The following SLC17A3 variants were observed in gnomAD, a reference collection of about 807,000 sequenced individuals.
SLC17A3 encodes the protein sodium-dependent phosphate transport protein 4.
A neutral mutation model predicts 60.3 loss-of-function variants in SLC17A3; 61 were observed. The observed-to-expected ratio is 1.01, with a 90% CI of 0.82 to 1.25. The LOEUF (loss-of-function observed/expected upper bound fraction) is 1.25. Ranked by LOEUF, SLC17A3 falls within the 50% of genes most tolerant of loss-of-function variation. SLC17A3 has a pLI of 0.00. For synonymous variants in SLC17A3, 192 were observed against 208.9 expected (o/e 0.92, Z 0.70); for missense variants, 624 against 594.9 (o/e 1.05, Z -0.51).
At chr6:25,847,716 A>G (rs1765201151) in intron 11 of SLC17A3, among the ~76,000 whole-genome samples, 1 of 151,562 alleles carries the variant, frequency 6.6e-6, no homozygotes, top group Admixed American at 6.6e-5. Flanking sequence ...TTCTTTTAAA[A>G]ATTTTTTATT....
chr6:25,863,317 A>G (rs1765482991), intron 2 of SLC17A3, among the ~76,000 whole-genome samples: 1 of 152,150 alleles, frequency 6.6e-6, no homozygotes, highest in African/African-American at 2.4e-5. Flanking sequence ...CTTCTTAAAA[A>G]GTCTTGCAAC....
chr6:25,849,480 A>G lies in SLC17A3; in HGVS notation c.1272-16T>C. On this transcript the variant is annotated splice_polypyrimidine_tract_variant and intron_variant, in intron 10 of 12. Coordinates refer to ENST00000397060, the MANE Select transcript of SLC17A3 (RefSeq NM_001098486.2). ...ACTGGAATACCTGTGGGTGACAGGA[A>G]TGTTCCGGTCTAGATCCAGAGATGT... 1 of 1,529,800 alleles carries G rather than the reference A, an allele frequency of 6.5e-7. No homozygotes were observed. The highest frequency in any genetic ancestry group is 9.1e-7 in the Non-Finnish European group (1 of 1,103,514). The allele number at this position is 1,529,800 out of a possible 1,614,324, so 94.8% of individuals were successfully genotyped here.
chr6:25,850,022 A>G (rs768903707), intron 9 of SLC17A3, 26 bp downstream of exon 9: 8 of 1,613,894 alleles, frequency 5.0e-6, no homozygotes, highest in Non-Finnish European at 6.8e-6. Context: ...TACGCAAATT[A>G]TCTGACCCTC....
Position 25,861,665 on chromosome 6 carries a change from G to T in SLC17A3, c.584C>A (p.Pro195His), listed in dbSNP as rs758400774. The T allele has an allele frequency of 1.2e-6, 2 of 1,613,894 alleles. No homozygotes were observed. Among genetic ancestry groups the T allele is most frequent in the East Asian group, 4.5e-5 (2 of 44,888 alleles). The change falls in exon 5 of 13, where the codon CCT (proline) becomes CAT (histidine). Residue 195 changes from proline to histidine, a missense_variant. Pro to His is a moderately conservative substitution (Grantham distance 77). Transcript: ENST00000397060. The stretch of plus-strand genomic sequence containing the variant: ...GCAGAGTCTGCTTCGTTCTTGTGGA[G>T]GGCCCCACTTTTCCCAAATTGCAAA... ...GQFAIWEKWGPPQERSRLCSI... is the reference protein window; with the variant it reads ...GQFAIWEKWGHPQERSRLCSI...
At chr6:25,872,974 G>A (rs1765669939) in intron 1 of SLC17A3, among the ~76,000 whole-genome samples, 1 of 152,008 alleles carries the variant, frequency 6.6e-6, no homozygotes, top group South Asian at 2.1e-4. Flanking sequence ...CTGCCAGCAG[G>A]TGTGGTCTAC....
At chr6:25,870,680 A>T (rs980233941) in intron 1 of SLC17A3, among the ~76,000 whole-genome samples, 2 of 152,014 alleles carry the variant, frequency 1.3e-5, no homozygotes, top group African/African-American at 4.8e-5. Context: ...GGCAAGGAAG[A>T]AGTGCTTAGT....
At chr6:25,858,684 C>G (rs1020690773) in intron 5 of SLC17A3, among the ~76,000 whole-genome samples, 2 of 152,154 alleles carry the variant, frequency 1.3e-5, no homozygotes, top group Non-Finnish European at 2.9e-5. Context: ...TATTGAAATA[C>G]TGAGGAATTT....
chr6:25,847,816 T>C (rs537515899), intron 11 of SLC17A3, among the ~76,000 whole-genome samples: 2 of 152,148 alleles, frequency 1.3e-5, no homozygotes, highest in African/African-American at 4.8e-5. Context: ...TCTTTAGTGG[T>C]GATATGTGGG....
At chr6:25,873,262 T>A (rs1018855617) in intron 1 of SLC17A3, among the ~76,000 whole-genome samples, 1 of 152,096 alleles carries the variant, frequency 6.6e-6, no homozygotes, top group Non-Finnish European at 1.5e-5. Flanking sequence ...CTCAAGTAAA[T>A]CCCTTTTGTT....
intron 2 of SLC17A3, 68 bp from the exon 3 acceptor site, chr6:25,862,512 T>C: frequency 1.6e-6 from 2 of 1,287,550 alleles, no homozygotes; most frequent in African/African-American, 1.5e-5. Flanking sequence ...TCACAAGATA[T>C]GATTTAAAAA....
chr6:25,861,197 G>A (rs1765440499), intron 5 of SLC17A3, among the ~76,000 whole-genome samples: 1 of 152,080 alleles, frequency 6.6e-6, no homozygotes, highest in African/African-American at 2.4e-5. Flanking sequence ...ACAATTGAGA[G>A]CAACTCCAAA....
chr6:25,865,446 C>T (rs1194576221), intron 2 of SLC17A3, among the ~76,000 whole-genome samples: 1 of 151,872 alleles, frequency 6.6e-6, no homozygotes, highest in Non-Finnish European at 1.5e-5. Context: ...CTGGTGGTGA[C>T]TTCCTCTATC....
rs780674462 is a variant in SLC17A3, at chr6:25,850,702, G to A, written c.831+57C>T. The A allele has an allele frequency of 3.1e-6, 5 of 1,602,894 alleles. No individual in the cohort carries two copies. The East Asian group carries it at 1.1e-4, about 36-fold the overall frequency. On this transcript the variant is annotated intron_variant, in intron 7 of 12. Coordinates refer to ENST00000397060, the MANE Select transcript of SLC17A3 (RefSeq NM_001098486.2). ...TCACCCTTAAAAATCCAGATTTAAG[G>A]CCTCAAGAAAATCCAGATACAAGGT...
intron 8 of SLC17A3, 38 bp from the exon 9 acceptor site, chr6:25,850,215 G>A (rs1273065661): frequency 4.4e-6 from 7 of 1,597,916 alleles, no homozygotes; most frequent in Non-Finnish European, 5.1e-6. Context: ...CATAATAAAG[G>A]CAGTGAGACC....
chr6:25,850,116 T>C lies in SLC17A3; in HGVS notation c.1055A>G (p.Tyr352Cys). 1.9e-6 allele frequency: 3 copies of C among 1,613,904 alleles called. No homozygotes were observed. The highest frequency in any genetic ancestry group is 2.5e-6 in the Non-Finnish European group (3 of 1,179,790). ...VAWVIGMVGG[Y>C]LADFLLTKKF... is the part of the protein sequence containing the mutation. Reference sequence around the variant, plus strand: ...TTTGGTTAGAAGGAAATCTGCCAGATAGCCTCCCACCATGCCTATGACCCA... The same window carrying C: ...TTTGGTTAGAAGGAAATCTGCCAGACAGCCTCCCACCATGCCTATGACCCA... Residue 352 changes from tyrosine to cysteine, a missense_variant, in exon 9 of 13, where the codon TAT becomes TGT. By Grantham distance (194) the Tyr-to-Cys change is radical. Transcript: ENST00000397060.
rs557860079 is a variant in SLC17A3 at position 25,870,268 on chromosome 6, G to C, written c.-33-1848C>G. On this transcript the variant is annotated intron_variant, in intron 1 of 12. Coordinates refer to ENST00000397060, the MANE Select transcript of SLC17A3 (RefSeq NM_001098486.2). ...CTTCTGTTTCTAGGGAAATTGCCCT[G>C]GTTCTATATTCAAAGATTGCCTGGG... Among the ~76,000 whole-genome samples the C allele has an allele frequency of 2.8e-4, 42 of 152,050 alleles. No individual in the cohort carries two copies. The South Asian group carries it at 8.5e-3, about 31-fold the overall frequency.
chr6:25,871,999 G>A (rs1414775144), intron 1 of SLC17A3, among the ~76,000 whole-genome samples: 2 of 151,914 alleles, frequency 1.3e-5, no homozygotes, highest in Non-Finnish European at 2.9e-5. Context: ...TGATGTACTG[G>A]AACCAACTCA....
intron 5 of SLC17A3, among the ~76,000 whole-genome samples, chr6:25,855,882 G>A (rs891466754): frequency 1.3e-5 from 2 of 152,076 alleles, no homozygotes; most frequent in African/African-American, 4.8e-5. Context: ...CTATATATGT[G>A]TATAGGTATT....
At chr6:25,852,443 T>C (rs1765293794) in intron 6 of SLC17A3, among the ~76,000 whole-genome samples, 1 of 152,156 alleles carries the variant, frequency 6.6e-6, no homozygotes, top group Non-Finnish European at 1.5e-5. Flanking sequence ...AAAAATGTTG[T>C]TTTTGTTCTC....
Sources: allele counts gnomAD v4.1 joint callset (sites outside exome capture counted in the v4.1 genomes callset), GRCh38; gene constraint gnomAD v4.1.1; transcripts MANE v1.5; gene names NCBI Gene and HGNC (gene_info 2026-07-23, HGNC 2026-07-21).